DLGAP2: variants seen among roughly 807,000 people sequenced by gnomAD.
The protein encoded by DLGAP2 is DLG associated protein 2.
In DLGAP2, 26 loss-of-function variants were observed where a neutral mutation model predicts 100.3. The observed-to-expected ratio is 0.26, with a 90% CI of 0.19 to 0.36. The LOEUF (loss-of-function observed/expected upper bound fraction) is 0.36. Among genes scored for constraint, DLGAP2 ranks in the 10% least tolerant of loss-of-function variants. The pLI, the probability that DLGAP2 is intolerant of heterozygous loss-of-function variation, is 1.00. For synonymous variants in DLGAP2, 886 were observed against 630.1 expected (o/e 1.41, Z -6.08); for missense variants, 1,858 against 1,453.2 (o/e 1.28, Z -4.53).
Position 1,701,498 on chromosome 8 carries a change from C to T in DLGAP2, c.*92C>T. 3 of 1,304,736 alleles carry T rather than the reference C, an allele frequency of 2.3e-6. No individual in the cohort carries two copies. The highest frequency in any genetic ancestry group is 2.7e-4 in the Middle Eastern group (1 of 3,736). 80.8% of individuals were successfully genotyped at this position (1,304,736 alleles called of 1,614,324 possible). On this transcript the variant is annotated 3_prime_UTR_variant, in exon 15 of 15. Coordinates refer to ENST00000637795, the MANE Select transcript of DLGAP2 (RefSeq NM_001346810.2). Reference sequence around the variant, plus strand: ...CCCTGGTGGTTTCTGTCTCCTCCTCCCGCTGAACACGTCCTCGCTCCCGCG... The same window carrying T: ...CCCTGGTGGTTTCTGTCTCCTCCTCTCGCTGAACACGTCCTCGCTCCCGCG...
chr8:1,062,695 C>G (rs191697263), intron 2 of DLGAP2, among the ~76,000 whole-genome samples: 88 of 152,226 alleles, frequency 5.8e-4, no homozygotes, highest in South Asian at 1.7e-3. Context: ...AAGTAAAGCA[C>G]TCATCTCTTG....
chr8:1,251,627 G>C (rs1263691753), intron 2 of DLGAP2, among the ~76,000 whole-genome samples: 1 of 152,178 alleles, frequency 6.6e-6, no homozygotes. Flanking sequence ...GCATCACTCA[G>C]TTGATGATGA....
At chr8:1,510,320 G>A (rs998725463) in intron 4 of DLGAP2, among the ~76,000 whole-genome samples, 6 of 152,210 alleles carry the variant, frequency 3.9e-5, no homozygotes, top group African/African-American at 1.4e-4. Flanking sequence ...GTGAAGGTCC[G>A]CTGTCGGGAC....
Position 1,427,341 on chromosome 8 carries a change from A to G in DLGAP2, c.107-74025A>G, listed in dbSNP as rs1797263918. On this transcript the variant is annotated intron_variant, in intron 3 of 14. Transcript: ENST00000637795. ...ATGATAAATATGTATTACCAAGTGT[A>G]GAATAAACACTCTTTTTAAGCATAA... 2.6e-5 allele frequency among the ~76,000 whole-genome samples: 4 copies of G among 152,244 alleles called. No homozygotes were observed. The South Asian group carries it at 8.3e-4, about 31-fold the overall frequency.
At chr8:1,699,023 C>T (rs557574849) in intron 14 of DLGAP2, among the ~76,000 whole-genome samples, 5 of 152,308 alleles carry the variant, frequency 3.3e-5, no homozygotes, top group South Asian at 2.1e-4. Flanking sequence ...TAGACAGGTC[C>T]GTGTAAGCCA....
chr8:1,010,233 TACAC>T (rs1801236877), intron 2 of DLGAP2, among the ~76,000 whole-genome samples: 1 of 152,094 alleles, frequency 6.6e-6, no homozygotes. Context: ...TATACACACA[TACAC>T]ACATGTGCCC....
At chr8:854,840 C>G (rs1002629109) in intron 1 of DLGAP2, among the ~76,000 whole-genome samples, 2 of 152,200 alleles carry the variant, frequency 1.3e-5, no homozygotes, top group African/African-American at 2.4e-5. Context: ...CGATGAAGCT[C>G]TGGAGAAAAG....
chr8:1,226,039 G>A (rs187245109), intron 2 of DLGAP2, among the ~76,000 whole-genome samples: 27 of 152,156 alleles, frequency 1.8e-4, no homozygotes, highest in African/African-American at 6.5e-4. Flanking sequence ...TGGTATATAT[G>A]GAAGAGGAAT....
At chr8:822,741 T>C (rs535072681) in intron 1 of DLGAP2, among the ~76,000 whole-genome samples, 4 of 152,258 alleles carry the variant, frequency 2.6e-5, no homozygotes, top group East Asian at 1.9e-4. Flanking sequence ...CAGGAGTGCA[T>C]GTCCACAGGC....
At chr8:890,305 G>T (rs1036725072) in intron 1 of DLGAP2, among the ~76,000 whole-genome samples, 1 of 152,190 alleles carries the variant, frequency 6.6e-6, no homozygotes, top group Non-Finnish European at 1.5e-5. Flanking sequence ...GTGGTTTGCT[G>T]CAGGACTTTT....
intron 3 of DLGAP2, among the ~76,000 whole-genome samples, chr8:1,445,904 G>C (rs565153257): frequency 1.9e-4 from 29 of 152,280 alleles, no homozygotes; most frequent in Non-Finnish European, 3.7e-4. Context: ...AGAAGTGTCT[G>C]TTCATATCAT....
At chr8:1,372,495 G>A (rs910056442) in intron 3 of DLGAP2, among the ~76,000 whole-genome samples, 3 of 152,150 alleles carry the variant, frequency 2.0e-5, no homozygotes, top group East Asian at 1.9e-4. Context: ...CTCTCCTGAC[G>A]TCCGGGCTGC....
At chr8:931,351 C>T (rs1351226759) in intron 2 of DLGAP2, among the ~76,000 whole-genome samples, 1 of 152,202 alleles carries the variant, frequency 6.6e-6, no homozygotes, top group Non-Finnish European at 1.5e-5. Flanking sequence ...GGGCGTTTCA[C>T]GCGAGGGTGA....
chr8:885,959 A>G (rs1349872668), intron 1 of DLGAP2, among the ~76,000 whole-genome samples: 2 of 152,230 alleles, frequency 1.3e-5, no homozygotes, highest in South Asian at 2.1e-4. Context: ...TGTTTGGAAT[A>G]GTTTCAGAAG....
At chr8:894,764 C>T (rs1256081824) in intron 1 of DLGAP2, among the ~76,000 whole-genome samples, 2 of 67,380 alleles carry the variant, frequency 3.0e-5, no homozygotes, top group African/African-American at 6.4e-5. Flanking sequence ...TGGTGACTGG[C>T]AGGGGTAGTG....
At chr8:760,265 G>C (rs1432992615) in intron 1 of DLGAP2, among the ~76,000 whole-genome samples, 4 of 152,132 alleles carry the variant, frequency 2.6e-5, no homozygotes, top group African/African-American at 9.7e-5. Context: ...TGCCTGATCT[G>C]CGGGGGTTTC....
intron 3 of DLGAP2, among the ~76,000 whole-genome samples, chr8:1,376,071 G>T (rs34802502): frequency 5.4e-3 from 370 of 68,426 alleles, no homozygotes; most frequent in Middle Eastern, 0.041. Flanking sequence ...TCAGAACTGA[G>T]CCCCCACCTC....
Position 1,640,070 on chromosome 8 carries a change from G to A in DLGAP2, c.1810+7024G>A, listed in dbSNP as rs1188306941. Among the ~76,000 whole-genome samples the A allele has an allele frequency of 2.6e-5, 4 of 152,218 alleles. 1 individual carries two copies. The highest frequency in any genetic ancestry group is 6.5e-5 in the Admixed American group (1 of 15,282). ...ACCATAGTAGGTTTTGGTAAATACT[G>A]GTAGAGTGCATGAATGAATGAGGTC... On this transcript the variant is annotated intron_variant, in intron 8 of 14. Coordinates refer to ENST00000637795, the MANE Select transcript of DLGAP2 (RefSeq NM_001346810.2).
chr8:1,017,614 G>A (rs1295081074), intron 2 of DLGAP2, among the ~76,000 whole-genome samples: 3 of 145,102 alleles, frequency 2.1e-5, no homozygotes, highest in African/African-American at 7.4e-5. Flanking sequence ...GACAGACGGC[G>A]CCTCCACTGT....
Sources: gnomAD v4.1 joint callset for allele counts (sites outside exome capture counted in the v4.1 genomes callset) on GRCh38, gnomAD v4.1.1 for gene constraint, MANE v1.5 for transcripts, NCBI Gene and HGNC (gene_info 2026-07-23, HGNC 2026-07-21) for gene names.